The following RPS6KA2 variants were observed in gnomAD, a reference collection of about 807,000 sequenced individuals.
RPS6KA2 encodes the protein ribosomal protein S6 kinase alpha-2.
A neutral mutation model predicts 91.8 loss-of-function variants in RPS6KA2; 42 were observed. The ratio of observed to expected loss-of-function variants is 0.46; its 90% CI spans 0.36 to 0.59. The LOEUF (loss-of-function observed/expected upper bound fraction) is 0.59. Among genes scored for constraint, RPS6KA2 ranks in the 20% least tolerant of loss-of-function variants. RPS6KA2 has a pLI of 0.00. For synonymous variants in RPS6KA2, 414 were observed against 393.6 expected, an observed-to-expected ratio of 1.05 and a Z score of -0.61; for missense variants, 798 against 978.5, an observed-to-expected ratio of 0.82 and a Z score of 2.46.
rs1017388167 is a variant in RPS6KA2, at chr6:166,494,396, G to A, written c.748-3655C>T. On this transcript the variant is annotated intron_variant, in intron 8 of 20. Coordinates refer to ENST00000265678, the MANE Select transcript of RPS6KA2 (RefSeq NM_021135.6). This position sits in a 1 kb window ranked among gnomAD's most constrained non-coding sequence, Gnocchi z 5.1. ...GCAGAGCCTGAGCTCAGAACCATCC[G>A]TGTTTGCTATGGTGGCATAAGGACA... 2.6e-5 allele frequency among the ~76,000 whole-genome samples: 4 copies of A among 152,196 alleles called. No individual in the cohort carries two copies. The highest frequency in any genetic ancestry group is 7.2e-5 in the African/African-American group (3 of 41,450).
Position 166,648,424 on chromosome 6 carries a change from T to G in RPS6KA2, c.124-109640A>C, listed in dbSNP as rs1787741522. On this transcript the variant is annotated intron_variant, in intron 2 of 21. Coordinates refer to the RPS6KA2 transcript ENST00000503859. The surrounding 1 kb of genome is among the most constrained non-coding windows in gnomAD (Gnocchi z 4.8). ...CCTCCATCTTACCATATACAACTGC[T>G]GCACAATCTGCCTTTGTACCTGAGA... Among the ~76,000 whole-genome samples, 2 of 152,348 alleles carry G rather than the reference T, an allele frequency of 1.3e-5. No individual in the cohort carries two copies. The highest frequency in any genetic ancestry group is 4.1e-4 in the South Asian group (2 of 4,830).
rs1256501930 is a variant in RPS6KA2 at position 166,581,383 on chromosome 6, A to T, written c.100-42599T>A. ...CTGGGGCCTAGGCCTCTCTACACCC[A>T]CCTGGATGCGCAGGTCAAAGTGCTT... On this transcript the variant is annotated intron_variant, in intron 1 of 20. Transcript: ENST00000265678. 2.0e-5 allele frequency among the ~76,000 whole-genome samples: 3 copies of T among 152,016 alleles called. No homozygotes were observed. In the East Asian group the frequency reaches 5.8e-4, roughly 29 times the overall value.
intron 14 of RPS6KA2, chr6:166,439,949 G>A (rs1031972284): frequency 6.6e-6 from 1 of 152,250 alleles, no homozygotes; most frequent in African/African-American, 2.4e-5. Context: ...CTGGCTGCAG[G>A]TGTGGGTCAG....
At chr6:166,556,771 A>T (rs1456494889) in intron 1 of RPS6KA2, among the ~76,000 whole-genome samples, 1 of 152,238 alleles carries the variant, frequency 6.6e-6, no homozygotes, top group Non-Finnish European at 1.5e-5. Context: ...GGGCGTCGTT[A>T]TTCTAGGTAG....
At chr6:166,462,283 G>A (rs973758807) in intron 11 of RPS6KA2, among the ~76,000 whole-genome samples, 1 of 152,214 alleles carries the variant, frequency 6.6e-6, no homozygotes, top group Non-Finnish European at 1.5e-5. Context: ...AGGGCTGCAG[G>A]CTCTGCCTGG....
chr6:166,813,091 A>G (rs1779680266), intron 2 of RPS6KA2, among the ~76,000 whole-genome samples: 1 of 152,076 alleles, frequency 6.6e-6, no homozygotes, highest in African/African-American at 2.4e-5. Flanking sequence ...ACTGCTTCTC[A>G]CCGTGACCCA....
At chr6:166,807,037 T>C (rs1037071435) in intron 2 of RPS6KA2, among the ~76,000 whole-genome samples, 1 of 152,178 alleles carries the variant, frequency 6.6e-6, no homozygotes, top group Non-Finnish European at 1.5e-5. Context: ...TTAAATGTTT[T>C]ACTATAAAAA....
chr6:166,450,077 T>TTGGAAACACTACA (rs1779829727), intron 13 of RPS6KA2, among the ~76,000 whole-genome samples: 1 of 144,532 alleles, frequency 6.9e-6, no homozygotes, highest in African/African-American at 2.5e-5. Flanking sequence ...GAGACCATCA[T>TTGGAAACACTACA]GGGTACCACC....
intron 2 of RPS6KA2, among the ~76,000 whole-genome samples, chr6:166,805,629 T>C (rs541390811): frequency 2.0e-5 from 3 of 152,190 alleles, no homozygotes; most frequent in Admixed American, 2.0e-4. Context: ...CTACAACAAT[T>C]TTTTAAATGT....
Position 166,433,553 on chromosome 6 carries a change from A to G in RPS6KA2, c.1333-1063T>C, listed in dbSNP as rs1779205506. ...GGCAACATGCAACATGTATTTTGCA[A>G]ACAACACTCAGAGCAGAAGAAAAGC... is the stretch of plus-strand genomic sequence containing the variant. On this transcript the variant is annotated intron_variant, in intron 14 of 20. Coordinates refer to ENST00000265678, the MANE Select transcript of RPS6KA2 (RefSeq NM_021135.6). The surrounding 1 kb of genome is among the most constrained non-coding windows in gnomAD (Gnocchi z 4.4). 6.6e-6 allele frequency among the ~76,000 whole-genome samples: 1 copy of G among 152,220 alleles called. No homozygotes were observed. Among genetic ancestry groups the G allele is most frequent in the Non-Finnish European group, 1.5e-5 (1 of 68,034 alleles).
chr6:166,477,243 G>C (rs1430993318), intron 10 of RPS6KA2, among the ~76,000 whole-genome samples: 4 of 152,054 alleles, frequency 2.6e-5, no homozygotes, highest in Non-Finnish European at 2.9e-5. Flanking sequence ...ACAGCTCCTC[G>C]AAAGCTTGAT....
chr6:166,816,628 A>T (rs1358701465), intron 2 of RPS6KA2, among the ~76,000 whole-genome samples: 1 of 152,160 alleles, frequency 6.6e-6, no homozygotes, highest in Non-Finnish European at 1.5e-5. Flanking sequence ...CAATTAATGG[A>T]TCTTTGAAAA....
chr6:166,719,207 T>C (rs1292601140), intron 2 of RPS6KA2, among the ~76,000 whole-genome samples: 2 of 152,220 alleles, frequency 1.3e-5, no homozygotes, highest in African/African-American at 4.8e-5. Context: ...TCTTATGTGC[T>C]TGGAATGCAC....
At chr6:166,588,578 C>T (rs561130698) in intron 1 of RPS6KA2, among the ~76,000 whole-genome samples, 8 of 152,310 alleles carry the variant, frequency 5.3e-5, no homozygotes, top group South Asian at 2.1e-4. Context: ...CCCAACCTCT[C>T]GCTCTGGCTG....
At chr6:166,819,331 A>C (rs556647522) in intron 2 of RPS6KA2, among the ~76,000 whole-genome samples, 1 of 152,182 alleles carries the variant, frequency 6.6e-6, no homozygotes, top group South Asian at 2.1e-4. Flanking sequence ...AGCATTACAC[A>C]TAAATATATC....
intron 19 of RPS6KA2, among the ~76,000 whole-genome samples, chr6:166,416,796 A>G (rs1344827810): frequency 1.4e-5 from 2 of 142,810 alleles, no homozygotes; most frequent in African/African-American, 2.7e-5. Context: ...CATTCCCTCC[A>G]CCATGCCTTC....
chr6:166,473,030 T>C (rs1427720136), intron 10 of RPS6KA2, among the ~76,000 whole-genome samples: 1 of 152,222 alleles, frequency 6.6e-6, no homozygotes, highest in African/African-American at 2.4e-5. Context: ...CACCTGATCC[T>C]GTTTGTTTAA....
chr6:166,432,075 G>A (rs1008839949), intron 15 of RPS6KA2, among the ~76,000 whole-genome samples: 31 of 152,186 alleles, frequency 2.0e-4, no homozygotes, highest in African/African-American at 7.5e-4. Flanking sequence ...GCGTGAGGAG[G>A]AAAATTGTCT....
intron 2 of RPS6KA2, among the ~76,000 whole-genome samples, chr6:166,820,232 G>A (rs1337329038): frequency 1.3e-5 from 2 of 151,976 alleles, no homozygotes; most frequent in Admixed American, 1.3e-4. Context: ...GCTGTTACCT[G>A]TGCAGGTAAA....
Sources: allele counts gnomAD v4.1 joint callset (sites outside exome capture counted in the v4.1 genomes callset), GRCh38; gene constraint gnomAD v4.1.1; non-coding constraint Gnocchi (gnomAD v3.1); transcripts MANE v1.5; gene names NCBI Gene and HGNC (gene_info 2026-07-23, HGNC 2026-07-21).